The following OTUD7B variants were observed in gnomAD, a reference collection of about 807,000 sequenced individuals.
OTUD7B encodes OTU deubiquitinase 7B.
A neutral mutation model predicts 82.2 loss-of-function variants in OTUD7B; 34 were observed. The ratio of observed to expected loss-of-function variants is 0.41; its 90% CI spans 0.31 to 0.55. The LOEUF (loss-of-function observed/expected upper bound fraction) is 0.55. OTUD7B is among the 20% of genes least tolerant of loss of function. The pLI, the probability that OTUD7B is intolerant of heterozygous loss-of-function variation, is 0.20. For synonymous variants in OTUD7B, 398 were observed against 402.7 expected (o/e 0.99, Z 0.14); for missense variants, 944 against 1,062.1 (o/e 0.89, Z 1.55).
At chr1:150,018,532 T>C in the OTUD7B span, among the ~76,000 whole-genome samples, 94 of 152,264 alleles carry the variant, frequency 6.2e-4, no homozygotes, top group Middle Eastern at 3.4e-3. Flanking sequence ...AGACCCTCTA[T>C]ATGAGCAAAA....
intron 1 of OTUD7B, among the ~76,000 whole-genome samples, chr1:149,980,598 GCTA>G (rs1312467357): frequency 6.6e-6 from 1 of 152,078 alleles, no homozygotes; most frequent in Non-Finnish European, 1.5e-5. Context: ...GCTAGTCCCA[GCTA>G]CTAGGGAGGC....
At chr1:150,064,139 C>A in the OTUD7B span, among the ~76,000 whole-genome samples, 1 of 152,076 alleles carries the variant, frequency 6.6e-6, no homozygotes, top group Non-Finnish European at 1.5e-5. Context: ...TTCTAATAAT[C>A]GAAGCTGATA....
At chr1:149,967,808 A>G (rs1165170774) in intron 3 of OTUD7B, among the ~76,000 whole-genome samples, 2 of 152,044 alleles carry the variant, frequency 1.3e-5, no homozygotes, top group Non-Finnish European at 2.9e-5. Context: ...CTCCACTTCC[A>G]TATTTCCCAG....
chr1:150,062,265 G>C, the OTUD7B span, among the ~76,000 whole-genome samples: 1 of 152,128 alleles, frequency 6.6e-6, no homozygotes, highest in Non-Finnish European at 1.5e-5. Flanking sequence ...TCTCCAAAAT[G>C]TTATACCAAT....
the OTUD7B span, among the ~76,000 whole-genome samples, chr1:150,025,719 T>C: frequency 6.6e-6 from 1 of 152,160 alleles, no homozygotes; most frequent in Non-Finnish European, 1.5e-5. Flanking sequence ...TCAGACCATA[T>C]TGGGTCAGGT....
chr1:150,023,952 T>C, the OTUD7B span, among the ~76,000 whole-genome samples: 1 of 152,216 alleles, frequency 6.6e-6, no homozygotes, highest in Non-Finnish European at 1.5e-5. Flanking sequence ...AGCTTCCTCC[T>C]GCATATGTTA....
chr1:149,949,906 A>T, intron 8 of OTUD7B, 128 bp from the exon 9 acceptor site: 1 of 1,288,742 alleles, frequency 7.8e-7, no homozygotes, highest in Non-Finnish European at 1.1e-6. Context: ...CTTTCCTAAG[A>T]AGCCCTGTCA....
rs587625790 is a variant in OTUD7B, at chr1:149,975,998, G to A, written c.85+1428C>T. 8.4e-5 allele frequency among the ~76,000 whole-genome samples: 12 copies of A among 143,516 alleles called. No individual in the cohort carries two copies. In the South Asian group the frequency reaches 2.8e-3, roughly 34 times the overall value. 94.2% of individuals were successfully genotyped at this position (143,516 alleles called of 152,430 possible). A position where few individuals can be genotyped will look rare whatever the true frequency, so the allele number is the denominator to read the frequency against. ...ATCGCGCCACTGCACTCCAGCCTGG[G>A]CGACAGAGTGAGACTCTGTCTCAAA... On this transcript the variant is annotated intron_variant, in intron 2 of 11. Transcript: ENST00000581312.
At chr1:150,050,559 C>T in the OTUD7B span, 1 of 152,134 alleles carries the variant, frequency 6.6e-6, no homozygotes, top group African/African-American at 2.4e-5. Flanking sequence ...TTGAATCTTA[C>T]AGCAATTACT....
intron 1 of OTUD7B, among the ~76,000 whole-genome samples, chr1:149,990,869 T>A (rs1252024883): frequency 1.3e-5 from 2 of 151,978 alleles, no homozygotes; most frequent in Non-Finnish European, 2.9e-5. Flanking sequence ...CACATGCTTG[T>A]AATCCGAGCT....
the OTUD7B span, among the ~76,000 whole-genome samples, chr1:150,036,457 G>T: frequency 1.3e-5 from 2 of 151,794 alleles, no homozygotes; most frequent in African/African-American, 4.8e-5. Flanking sequence ...ATGGGGTTTT[G>T]TCATGTTGGC....
At chr1:150,044,260 T>C in the OTUD7B span, among the ~76,000 whole-genome samples, 3 of 151,890 alleles carry the variant, frequency 2.0e-5, no homozygotes, top group Non-Finnish European at 2.9e-5. Context: ...CAGGCTGGAG[T>C]GCAGTGGCAT....
the OTUD7B span, among the ~76,000 whole-genome samples, chr1:150,021,588 G>A: frequency 6.6e-6 from 1 of 152,156 alleles, no homozygotes. Context: ...AGTGAAACAG[G>A]TGGAGCCCCA....
the OTUD7B span, among the ~76,000 whole-genome samples, chr1:150,031,457 A>G: frequency 1.3e-5 from 2 of 152,250 alleles, no homozygotes; most frequent in Non-Finnish European, 2.9e-5. Flanking sequence ...AATAGAGAAC[A>G]GTAATTGGAG....
chr1:149,945,541 AC>A (rs1647652931), intron 11 of OTUD7B, among the ~76,000 whole-genome samples: 1 of 152,068 alleles, frequency 6.6e-6, no homozygotes, highest in African/African-American at 2.4e-5. Flanking sequence ...ATCAAAACTA[AC>A]CAAGTCTAGC....
intron 1 of OTUD7B, among the ~76,000 whole-genome samples, chr1:149,980,665 T>TGGCA (rs1650654415): frequency 6.6e-6 from 1 of 151,170 alleles, no homozygotes; most frequent in Non-Finnish European, 1.5e-5. Context: ...TGAGCTGAGA[T>TGGCA]GGCACCACTG....
chr1:150,058,666 C>A, the OTUD7B span, among the ~76,000 whole-genome samples: 1 of 152,200 alleles, frequency 6.6e-6, no homozygotes, highest in Non-Finnish European at 1.5e-5. Flanking sequence ...GAGATTTGTA[C>A]ATGCACATTA....
the OTUD7B span, chr1:150,047,670 C>T: frequency 6.6e-6 from 1 of 152,140 alleles, no homozygotes; most frequent in Non-Finnish European, 1.5e-5. Flanking sequence ...AAAATAATTT[C>T]AGGCCAGGCG....
chr1:149,980,410 T>C (rs1333163524), intron 1 of OTUD7B, among the ~76,000 whole-genome samples: 2 of 151,910 alleles, frequency 1.3e-5, no homozygotes, highest in Non-Finnish European at 2.9e-5. Context: ...AATGGAGATA[T>C]CAAACCAATG....
Sources: allele counts gnomAD v4.1 joint callset (sites outside exome capture counted in the v4.1 genomes callset), GRCh38; gene constraint gnomAD v4.1.1; transcripts MANE v1.5; gene names NCBI Gene and HGNC (gene_info 2026-07-23, HGNC 2026-07-21).